The following GK5 variants were observed in gnomAD, a reference collection of about 807,000 sequenced individuals.
The protein encoded by GK5 is glycerol kinase 5, also known as ATP:glycerol 3-phosphotransferase 5.
Under a neutral mutation model 77.3 loss-of-function variants are expected in GK5, and 39 were observed. The observed-to-expected ratio is 0.50, with a 90% CI of 0.39 to 0.66. The LOEUF is 0.66. Among genes scored for constraint, GK5 ranks in the 30% least tolerant of loss-of-function variants. GK5 has a pLI of 0.00. For missense variants in GK5, 487 were observed against 633.8 expected (o/e 0.77, Z 2.49); for synonymous variants, 211 against 208.0 (o/e 1.01, Z -0.13).
intron 12 of GK5, among the ~76,000 whole-genome samples, chr3:142,176,193 C>T (rs561958571): frequency 6.6e-6 from 1 of 152,008 alleles, no homozygotes. Flanking sequence ...TGAAATAATG[C>T]TCATTTTAAA....
chr3:142,211,625 C>T (rs2064189349), intron 3 of GK5, among the ~76,000 whole-genome samples: 1 of 152,152 alleles, frequency 6.6e-6, no homozygotes, highest in South Asian at 2.1e-4. Context: ...GACTCCATCT[C>T]TATAAAAATT....
chr3:142,165,619 GTGTTATGTCT>G lies in GK5; in HGVS notation c.1583_*2del. 2 of 1,604,280 alleles carry G rather than the reference GTGTTATGTCT, an allele frequency of 1.2e-6. No homozygotes were observed. Among genetic ancestry groups the G allele is most frequent in the Admixed American group, 1.7e-5 (1 of 57,862 alleles). The stretch of plus-strand genomic sequence containing the variant: ...CCTATGGTTTTGATCATTTCATTTA[GTGTTATGTCT>G]TGTTATACCAATTCATGGAGCGTTT... On this transcript the variant is annotated stop_retained_variant and 3_prime_UTR_variant, in exon 16 of 16. Transcript: ENST00000392993.
chr3:142,181,773 C>T (rs543352163), intron 10 of GK5, among the ~76,000 whole-genome samples: 5 of 152,188 alleles, frequency 3.3e-5, no homozygotes, highest in South Asian at 2.1e-4. Context: ...AACTACAAAA[C>T]GGCCTACCTC....
intron 10 of GK5, among the ~76,000 whole-genome samples, chr3:142,181,838 T>C (rs1437268720): frequency 6.6e-6 from 1 of 152,204 alleles, no homozygotes; most frequent in Non-Finnish European, 1.5e-5. Flanking sequence ...CTTAGCACAG[T>C]GCCTGGCACA....
At chr3:142,221,740 TG>T (rs1175977388) in intron 1 of GK5, among the ~76,000 whole-genome samples, 1 of 152,212 alleles carries the variant, frequency 6.6e-6, no homozygotes, top group Non-Finnish European at 1.5e-5. Flanking sequence ...AATGTTCATA[TG>T]TGGAGTTTCC....
At chr3:142,183,114 T>C (rs2063719666) in intron 9 of GK5, 65 bp from the exon 10 acceptor site, 2 of 1,424,298 alleles carry the variant, frequency 1.4e-6, no homozygotes, top group East Asian at 4.6e-5. Context: ...TATAGAGCAT[T>C]GTCTCACTTA....
intron 2 of GK5, among the ~76,000 whole-genome samples, chr3:142,214,720 G>GT (rs987820262): frequency 8.5e-5 from 13 of 152,146 alleles, no homozygotes; most frequent in Non-Finnish European, 1.8e-4. Flanking sequence ...GAAAAAAGAA[G>GT]TTTTTTTGTT....
At chr3:142,223,746 G>A (rs1553841663) in intron 1 of GK5, among the ~76,000 whole-genome samples, 2 of 152,244 alleles carry the variant, frequency 1.3e-5, no homozygotes, top group Non-Finnish European at 1.5e-5. Context: ...GCTGAGGCAG[G>A]AGACTTGCTT....
At chr3:142,199,791 G>A (rs1050618677) in intron 4 of GK5, among the ~76,000 whole-genome samples, 6 of 149,824 alleles carry the variant, frequency 4.0e-5, no homozygotes, top group Middle Eastern at 7.1e-3. Context: ...ACCCTATCCT[G>A]CCACACACTA....
Position 142,213,569 on chromosome 3 carries a change from G to C in GK5, c.274C>G (p.Leu92Val), listed in dbSNP as rs1222971717. 8.1e-6 allele frequency: 13 copies of C among 1,612,230 alleles called. No individual in the cohort carries two copies. The highest frequency in any genetic ancestry group is 1.6e-4 in the Middle Eastern group (1 of 6,080). The change falls in exon 3 of 16, where the codon CTT (leucine) becomes GTT (valine). Residue 92 changes from leucine (L) to valine (V), a missense_variant. By Grantham distance (32) the Leu-to-Val change is conservative. Coordinates refer to ENST00000392993, the MANE Select transcript of GK5 (RefSeq NM_001039547.3). Reference sequence around the variant, plus strand: ...GTTGCTCTCTGTGTTGAAATGCCAAGACCAACAATTTGATTCATCTGTATT... The same window carrying C: ...GTTGCTCTCTGTGTTGAAATGCCAACACCAACAATTTGATTCATCTGTATT... ...AGIQMNQIVG[L>V]GISTQRATFI...
intron 1 of GK5, among the ~76,000 whole-genome samples, chr3:142,220,382 G>A (rs1044792549): frequency 2.6e-5 from 4 of 152,130 alleles, no homozygotes; most frequent in Non-Finnish European, 4.4e-5. Flanking sequence ...TGATCCGCCC[G>A]CCTCAGCCTC....
At chr3:142,198,304 A>C (rs959897526) in intron 5 of GK5, among the ~76,000 whole-genome samples, 2 of 152,070 alleles carry the variant, frequency 1.3e-5, no homozygotes, top group Admixed American at 6.5e-5. Context: ...GACACAAAAG[A>C]ATTCCACTGA....
chr3:142,180,307 C>CTT (rs887517347), intron 11 of GK5, among the ~76,000 whole-genome samples: 6 of 143,814 alleles, frequency 4.2e-5, no homozygotes, highest in African/African-American at 1.5e-4. Context: ...TTTCTTTTTT[C>CTT]TTTTTTTTTT....
Position 142,188,734 on chromosome 3 carries a change from G to A in GK5, c.544-955C>T, listed in dbSNP as rs183912284. Reference sequence around the variant, plus strand: ...CAGTGTCCATAAGTAAAGTCTTATTGGAACACAGCTATGCTCATTTGTTGC... The same window carrying A: ...CAGTGTCCATAAGTAAAGTCTTATTAGAACACAGCTATGCTCATTTGTTGC... On this transcript the variant is annotated intron_variant, in intron 5 of 15. Coordinates refer to ENST00000392993, the MANE Select transcript of GK5 (RefSeq NM_001039547.3). Among the ~76,000 whole-genome samples, 14 of 152,300 alleles carry A rather than the reference G, an allele frequency of 9.2e-5. No homozygotes were observed. In the East Asian group the frequency reaches 2.5e-3, roughly 27 times the overall value.
At chr3:142,181,593 T>A (rs1157878398) in intron 10 of GK5, 28 bp from the exon 11 acceptor site, 1 of 1,414,782 alleles carries the variant, frequency 7.1e-7, no homozygotes, top group Non-Finnish European at 1.0e-6. Flanking sequence ...GAATGTTAAG[T>A]CAAATATATG....
At chr3:142,176,972 T>G (rs963006515) in intron 12 of GK5, among the ~76,000 whole-genome samples, 3 of 152,116 alleles carry the variant, frequency 2.0e-5, no homozygotes, top group African/African-American at 7.2e-5. Flanking sequence ...AGATTTTGAT[T>G]TTTAAAAAAA....
Position 142,165,631 on chromosome 3 carries a change from G to C in GK5, c.1581C>G (p.Asn527Lys). 1 of 1,610,240 alleles carries C rather than the reference G, an allele frequency of 6.2e-7. No homozygotes were observed. The highest frequency in any genetic ancestry group is 1.3e-5 in the African/African-American group (1 of 74,706). Residue 527 changes from asparagine (N) to lysine (K), a missense_variant, in exon 16 of 16, where the codon AAC becomes AAG. Physicochemically the swap from Asn to Lys is moderately conservative, Grantham distance 94. Around this residue, in one of 4 missense-constraint regions of GK5, gnomAD observed 65 missense variants for 89.9 expected, o/e 0.72. Coordinates refer to ENST00000392993, the MANE Select transcript of GK5 (RefSeq NM_001039547.3). ...ATCATTTCATTTAGTGTTATGTCTTGTTATACCAATTCATGGAGCGTTTCA... is the reference window on the plus strand; with the variant it reads ...ATCATTTCATTTAGTGTTATGTCTTCTTATACCAATTCATGGAGCGTTTCA... The part of the protein sequence containing the change: ...KAVKRSMNWY[N>K]KT
At position 142,173,150 on chromosome 3, in the gene GK5, G is replaced by T. The variant is rs568955175; in HGVS notation, c.1144-694C>A. The stretch of plus-strand genomic sequence containing the variant: ...CAGGGGTTTGAGGCTGCAATGAGCC[G>T]TGATCGCGTTACTGCACTCCAGCCT... On this transcript the variant is annotated intron_variant, in intron 12 of 15. Transcript: ENST00000392993. 8.7e-5 allele frequency: 37 copies of T among 427,720 alleles called. 1 individual carries two copies. The highest frequency in any genetic ancestry group is 5.8e-4 in the South Asian group (35 of 60,100). 26.5% of individuals were successfully genotyped at this position (427,720 alleles called of 1,614,324 possible).
chr3:142,187,644 A>G, intron 6 of GK5, 60 bp downstream of exon 6: 1 of 1,252,044 alleles, frequency 8.0e-7, no homozygotes, highest in South Asian at 1.3e-5. Flanking sequence ...TTTTTTAGGC[A>G]AATCATTTCT....
Sources: allele counts gnomAD v4.1 joint callset (sites outside exome capture counted in the v4.1 genomes callset), GRCh38; gene constraint gnomAD v4.1.1; regional missense constraint gnomAD v4.1.1; transcripts MANE v1.5; gene names NCBI Gene and HGNC (gene_info 2026-07-23, HGNC 2026-07-21).